PDE7A: variants seen among roughly 807,000 people sequenced by gnomAD.
The protein encoded by PDE7A is high affinity 3',5'-cyclic-AMP phosphodiesterase 7A.
PDE7A carries 39 observed loss-of-function variants against 64.3 expected under a neutral mutation model. The ratio of observed to expected loss-of-function variants is 0.61; its 90% CI spans 0.47 to 0.79. The LOEUF (loss-of-function observed/expected upper bound fraction) is 0.79. Ranked by LOEUF, PDE7A falls within the 30% of genes least tolerant of loss-of-function variation. The probability of loss-of-function intolerance (pLI) is 0.00; values close to 1 mark genes in which losing one functional copy is unlikely to be tolerated. For missense variants in PDE7A, 470 were observed against 582.8 expected, an observed-to-expected ratio of 0.81 and a Z score of 1.99; for synonymous variants, 203 against 206.8, an observed-to-expected ratio of 0.98 and a Z score of 0.16.
In PDE7A at chr8:65,790,786, T is replaced by C. The variant is rs187213664; in HGVS notation, c.139-7943A>G. On this transcript the variant is annotated intron_variant, in intron 1 of 12. Transcript: ENST00000401827. ...TTTTGCCATGAGACTAGCTTTAATA[T>C]GAGACCGTCAAGGTCTCTGATTACT... 4.7e-3 allele frequency among the ~76,000 whole-genome samples: 720 copies of C among 152,354 alleles called. 7 individuals are homozygous for C. The highest frequency in any genetic ancestry group is 7.8e-3 in the Non-Finnish European group (531 of 68,030).
chr8:65,800,716 A>T (rs1417188892), intron 1 of PDE7A, among the ~76,000 whole-genome samples: 22 of 152,216 alleles, frequency 1.4e-4, no homozygotes, highest in Admixed American at 1.4e-3. Flanking sequence ...CTCACACCTC[A>T]GTAAGGTTAA....
At chr8:65,811,811 G>C (rs1810265327) in intron 1 of PDE7A, among the ~76,000 whole-genome samples, 1 of 152,142 alleles carries the variant, frequency 6.6e-6, no homozygotes, top group South Asian at 2.1e-4. Flanking sequence ...CAGGGAGGGG[G>C]AAAAGAGAAA....
intron 12 of PDE7A, chr8:65,720,570 CTG>C (rs1806332179): frequency 6.5e-6 from 1 of 154,116 alleles, no homozygotes; most frequent in Admixed American, 6.5e-5. Context: ...ATTATGGTAT[CTG>C]AAATATTAAT....
chr8:65,818,858 A>G (rs1810474946), intron 1 of PDE7A, among the ~76,000 whole-genome samples: 2 of 152,104 alleles, frequency 1.3e-5, no homozygotes, highest in African/African-American at 4.8e-5. Flanking sequence ...CATATCCACA[A>G]CATTACCCAC....
At chr8:65,798,305 G>T (rs1809908014) in intron 1 of PDE7A, among the ~76,000 whole-genome samples, 1 of 150,650 alleles carries the variant, frequency 6.6e-6, no homozygotes, top group South Asian at 2.1e-4. Context: ...TACCTCTCGG[G>T]TTCAAGCAAT....
At chr8:65,721,117 CTT>C (rs1806359823) in intron 12 of PDE7A, among the ~76,000 whole-genome samples, 1 of 151,752 alleles carries the variant, frequency 6.6e-6, no homozygotes, top group Non-Finnish European at 1.5e-5. Flanking sequence ...CAGCCTCTCT[CTT>C]GGAGGGCAGG....
rs572753100 is a variant in PDE7A, at chr8:65,838,030, TAA to T, written c.138+3339_138+3340del. Among the ~76,000 whole-genome samples, 845 of 143,306 alleles carry T rather than the reference TAA, an allele frequency of 5.9e-3. 5 individuals are homozygous for T. The highest frequency in any genetic ancestry group is 0.026 in the South Asian group (115 of 4,464). 94.0% of individuals were successfully genotyped at this position (143,306 alleles called of 152,430 possible). On this transcript the variant is annotated intron_variant, in intron 1 of 12. Coordinates refer to ENST00000401827, the MANE Select transcript of PDE7A (RefSeq NM_001242318.3). ...GAGTATATATTTGTGAAATATTTCTTAAAAAAAAAAAAAGACAAATGATAACT... is the reference window on the plus strand; with the variant it reads ...GAGTATATATTTGTGAAATATTTCTTAAAAAAAAAAAGACAAATGATAACT...
At chr8:65,816,714 GT>G (rs1810412645) in intron 1 of PDE7A, among the ~76,000 whole-genome samples, 1 of 152,198 alleles carries the variant, frequency 6.6e-6, no homozygotes. Context: ...GCAGCCCTTA[GT>G]CATTGCTGAT....
intron 3 of PDE7A, among the ~76,000 whole-genome samples, chr8:65,755,009 T>C (rs1193399554): frequency 6.9e-6 from 1 of 145,690 alleles, no homozygotes; most frequent in Non-Finnish European, 1.5e-5. Context: ...TGCCTGTTTA[T>C]TTTTTTTTTC....
At chr8:65,802,066 A>G (rs1040437785) in intron 1 of PDE7A, among the ~76,000 whole-genome samples, 1 of 152,266 alleles carries the variant, frequency 6.6e-6, no homozygotes, top group Non-Finnish European at 1.5e-5. Context: ...CTCTACAAAG[A>G]AATTTAAAAG....
chr8:65,748,093 G>GT (rs1807768385), intron 3 of PDE7A, among the ~76,000 whole-genome samples: 1 of 146,200 alleles, frequency 6.8e-6, no homozygotes, highest in African/African-American at 2.4e-5. Flanking sequence ...AATAATCACG[G>GT]TTTGTTTTTT....
chr8:65,806,915 C>A (rs1810128183), intron 1 of PDE7A, among the ~76,000 whole-genome samples: 1 of 152,244 alleles, frequency 6.6e-6, no homozygotes, highest in African/African-American at 2.4e-5. Flanking sequence ...TAAGCTTATG[C>A]CAGCACCCCA....
chr8:65,721,868 G>A (rs1806393207), intron 12 of PDE7A: 1 of 149,362 alleles, frequency 6.7e-6, no homozygotes, highest in African/African-American at 2.5e-5. Flanking sequence ...GAATGCAGTG[G>A]CACGATATTG....
At chr8:65,742,480 C>G (rs1355605055) in intron 5 of PDE7A, among the ~76,000 whole-genome samples, 3 of 152,232 alleles carry the variant, frequency 2.0e-5, no homozygotes, top group Non-Finnish European at 4.4e-5. Context: ...GCACGAATCA[C>G]TGCATTTTGC....
intron 3 of PDE7A, 78 bp from the exon 4 acceptor site, chr8:65,747,881 T>A: frequency 1.4e-6 from 1 of 729,388 alleles, no homozygotes; most frequent in Non-Finnish European, 2.2e-6. Context: ...CACTTTTAGT[T>A]ATGTACAAGT....
At chr8:65,737,288 C>T (rs1449544280) in intron 6 of PDE7A, among the ~76,000 whole-genome samples, 4 of 151,892 alleles carry the variant, frequency 2.6e-5, no homozygotes, top group South Asian at 2.1e-4. Context: ...TCCACATTAG[C>T]GGCAACAGGA....
In PDE7A at chr8:65,841,352, GC is replaced by G. The variant is rs1811082875; in HGVS notation, c.138+18del. The G allele has an allele frequency of 6.6e-7, 1 of 1,523,850 alleles. No homozygotes were observed. The highest frequency in any genetic ancestry group is 1.4e-5 in the African/African-American group (1 of 69,344). 94.4% of individuals were successfully genotyped at this position (1,523,850 alleles called of 1,614,324 possible). Reference sequence around the variant, plus strand: ...AAAAGAGAGAAGCCCTCAAGTGTGGGCCCGGCGGCGGCGATTACCTGAGAGA... The same window carrying G: ...AAAAGAGAGAAGCCCTCAAGTGTGGGCCGGCGGCGGCGATTACCTGAGAGA... On this transcript the variant is annotated intron_variant, in intron 1 of 12. Transcript: ENST00000401827.
chr8:65,751,273 G>A (rs1001106645), intron 3 of PDE7A, among the ~76,000 whole-genome samples: 3 of 152,088 alleles, frequency 2.0e-5, no homozygotes, highest in Admixed American at 6.5e-5. Context: ...CAGAACTTTC[G>A]GGGGATGTCT....
In PDE7A at chr8:65,736,035, A is replaced by G. The variant is rs148946163; in HGVS notation, c.596-1141T>C. 3.7e-3 allele frequency among the ~76,000 whole-genome samples: 556 copies of G among 152,288 alleles called. 5 individuals carry two copies. Among genetic ancestry groups the G allele is most frequent in the African/African-American group, 0.013 (537 of 41,546 alleles). On this transcript the variant is annotated intron_variant, in intron 6 of 12. Coordinates refer to ENST00000401827, the MANE Select transcript of PDE7A (RefSeq NM_001242318.3). Reference sequence around the variant, plus strand: ...GAAACCACAGATAGTACCAAACCCTATTTATACTATGTTTTTCCTATACAA... The same window carrying G: ...GAAACCACAGATAGTACCAAACCCTGTTTATACTATGTTTTTCCTATACAA...
Sources: allele counts gnomAD v4.1 joint callset (sites outside exome capture counted in the v4.1 genomes callset), GRCh38; gene constraint gnomAD v4.1.1; transcripts MANE v1.5; gene names NCBI Gene and HGNC (gene_info 2026-07-23, HGNC 2026-07-21).